Variants in PPM1L observed in about 807,000 individuals in gnomAD.
PPM1L encodes protein phosphatase 1L.
Under a neutral mutation model 31.4 loss-of-function variants are expected in PPM1L, and 13 were observed. That is an observed-to-expected ratio of 0.41 (90% confidence interval 0.27 to 0.66). PPM1L has a LOEUF of 0.66. Among genes scored for constraint, PPM1L ranks in the 30% least tolerant of loss-of-function variants. PPM1L has a pLI of 0.29. For missense variants in PPM1L, 326 were observed against 453.7 expected, an observed-to-expected ratio of 0.72 and a Z score of 2.56; for synonymous variants, 184 against 175.4, an observed-to-expected ratio of 1.05 and a Z score of -0.39.
chr3:160,856,447 T>C (rs763019756), intron 1 of PPM1L, among the ~76,000 whole-genome samples: 5 of 152,170 alleles, frequency 3.3e-5, no homozygotes, highest in Non-Finnish European at 7.4e-5. Flanking sequence ...AATTGTGGTA[T>C]ATATACAGCA....
intron 1 of PPM1L, among the ~76,000 whole-genome samples, chr3:160,918,286 T>C (rs1714263171): frequency 6.6e-6 from 1 of 152,268 alleles, no homozygotes; most frequent in African/African-American, 2.4e-5. Flanking sequence ...ACCTGGCACA[T>C]GGTATAGAGT....
intron 1 of PPM1L, among the ~76,000 whole-genome samples, chr3:160,934,777 AC>A (rs1714905221): frequency 6.6e-6 from 1 of 151,848 alleles, no homozygotes; most frequent in Non-Finnish European, 1.5e-5. Flanking sequence ...ATGTGGTGAA[AC>A]CCTGTCTCCA....
At chr3:160,985,250 A>G (rs1716928241) in intron 2 of PPM1L, among the ~76,000 whole-genome samples, 1 of 152,184 alleles carries the variant, frequency 6.6e-6, no homozygotes, top group Non-Finnish European at 1.5e-5. Context: ...TGGTGTACCC[A>G]TCACCCCAGC....
At chr3:161,025,329 T>C (rs1718347424) in intron 2 of PPM1L, among the ~76,000 whole-genome samples, 1 of 152,068 alleles carries the variant, frequency 6.6e-6, no homozygotes, top group Non-Finnish European at 1.5e-5. Flanking sequence ...CTCAGAGGGC[T>C]GAGGCAGAAG....
chr3:160,802,382 C>T (rs764661457), intron 1 of PPM1L, among the ~76,000 whole-genome samples: 7 of 152,114 alleles, frequency 4.6e-5, no homozygotes, highest in East Asian at 1.9e-4. Context: ...ACCTACAATC[C>T]GGCTTGGAAC....
chr3:160,995,204 G>A (rs1237051421), intron 2 of PPM1L, among the ~76,000 whole-genome samples: 1 of 152,196 alleles, frequency 6.6e-6, no homozygotes, highest in Non-Finnish European at 1.5e-5. Context: ...TATGGAATGT[G>A]AGGAAGTGGA....
intron 2 of PPM1L, among the ~76,000 whole-genome samples, chr3:161,047,814 C>A (rs1431997898): frequency 1.3e-5 from 2 of 152,258 alleles, no homozygotes; most frequent in Non-Finnish European, 2.9e-5. Context: ...TTTGACAAAC[C>A]TGACTAAAAC....
rs547582099 is a variant in PPM1L at position 160,809,606 on chromosome 3, C to G, written c.399+52899C>G. ...CTAGCTTCACTTTGATAGCAGTGGG[C>G]CTTGGGAGCTGACTTTGTGAAGGTT... On this transcript the variant is annotated intron_variant, in intron 1 of 3. Transcript: ENST00000498165. Among the ~76,000 whole-genome samples, 251 of 152,248 alleles carry G rather than the reference C, an allele frequency of 1.6e-3. 1 individual carries two copies. The highest frequency in any genetic ancestry group is 2.6e-3 in the Non-Finnish European group (178 of 68,014).
In PPM1L at chr3:160,868,032, T is replaced by C. The variant is rs146624924; in HGVS notation, c.400-93704T>C. Among the ~76,000 whole-genome samples, 30 of 152,314 alleles carry C rather than the reference T, an allele frequency of 2.0e-4. 2 individuals are homozygous for C. The highest frequency in any genetic ancestry group is 1.3e-3 in the East Asian group (7 of 5,188). Reference sequence around the variant, plus strand: ...TCTGCAAAAAGGTGATGAAGAAATATTAGCCTTTGTTGGAAGTTGAGAAGT... The same window carrying C: ...TCTGCAAAAAGGTGATGAAGAAATACTAGCCTTTGTTGGAAGTTGAGAAGT... On this transcript the variant is annotated intron_variant, in intron 1 of 3. Transcript: ENST00000498165.
chr3:161,013,389 C>G (rs1029219171), intron 2 of PPM1L, among the ~76,000 whole-genome samples: 1 of 152,160 alleles, frequency 6.6e-6, no homozygotes, highest in African/African-American at 2.4e-5. Context: ...ATCTGAGAGA[C>G]AGTTTGTTAT....
chr3:160,809,016 G>A (rs753869480), intron 1 of PPM1L, among the ~76,000 whole-genome samples: 18 of 152,126 alleles, frequency 1.2e-4, no homozygotes, highest in African/African-American at 3.9e-4. Flanking sequence ...AGAAGGGTGC[G>A]TGCACTGCCA....
intron 1 of PPM1L, among the ~76,000 whole-genome samples, chr3:160,954,956 C>CTTCCTTCCTTCCTTCCT (rs1553749482): frequency 6.1e-4 from 47 of 77,456 alleles, no homozygotes; most frequent in African/African-American, 2.8e-3. Context: ...TCCTTCCTTC[C>CTTCCTTCCTTCCTTCCT]TTCCTTTCCT....
chr3:160,897,387 C>T (rs1407582324), intron 1 of PPM1L, among the ~76,000 whole-genome samples: 10 of 152,106 alleles, frequency 6.6e-5, no homozygotes, highest in Non-Finnish European at 2.9e-5. Context: ...TGACATTGCT[C>T]CTGATGTCTC....
chr3:160,949,294 T>C (rs150376554), intron 1 of PPM1L, among the ~76,000 whole-genome samples: 144 of 152,332 alleles, frequency 9.5e-4, no homozygotes, highest in African/African-American at 3.4e-3. Flanking sequence ...ACTGTGTGTG[T>C]ATTTCTGGGA....
intron 1 of PPM1L, among the ~76,000 whole-genome samples, chr3:160,775,890 A>G (rs1711547718): frequency 6.6e-6 from 1 of 152,232 alleles, no homozygotes; most frequent in Non-Finnish European, 1.5e-5. Flanking sequence ...AATGAACCAT[A>G]TCAGCTGCCT....
At chr3:161,053,592 G>A (rs1263208790) in intron 2 of PPM1L, among the ~76,000 whole-genome samples, 4 of 152,158 alleles carry the variant, frequency 2.6e-5, no homozygotes, top group African/African-American at 7.2e-5. Context: ...CTTTAACTCT[G>A]GTGAAGTGTG....
At chr3:160,801,668 T>C (rs1712429791) in intron 1 of PPM1L, among the ~76,000 whole-genome samples, 1 of 152,228 alleles carries the variant, frequency 6.6e-6, no homozygotes, top group Non-Finnish European at 1.5e-5. Context: ...TTGATTTTAC[T>C]CAGGGGACTT....
chr3:160,811,345 C>G (rs1712799131), intron 1 of PPM1L, among the ~76,000 whole-genome samples: 1 of 152,250 alleles, frequency 6.6e-6, no homozygotes, highest in South Asian at 2.1e-4. Context: ...CCTCATCCAT[C>G]AGAATCATTG....
At chr3:161,050,118 C>T (rs1179054687) in intron 2 of PPM1L, among the ~76,000 whole-genome samples, 5 of 152,224 alleles carry the variant, frequency 3.3e-5, no homozygotes, top group African/African-American at 2.4e-5. Flanking sequence ...TATGACCTGG[C>T]GTTCCCTGTT....
Sources: gnomAD v4.1 joint callset for allele counts (sites outside exome capture counted in the v4.1 genomes callset) on GRCh38, gnomAD v4.1.1 for gene constraint, MANE v1.5 for transcripts, NCBI Gene and HGNC (gene_info 2026-07-23, HGNC 2026-07-21) for gene names.